The following SPIRE1 variants were observed in gnomAD, a reference collection of about 807,000 sequenced individuals.
The protein encoded by SPIRE1 is spire type actin nucleation factor 1.
Under a neutral mutation model 94.1 loss-of-function variants are expected in SPIRE1, and 40 were observed. That is an observed-to-expected ratio of 0.43 (90% confidence interval 0.33 to 0.55). The LOEUF is 0.55. Ranked by LOEUF, SPIRE1 falls within the 20% of genes least tolerant of loss-of-function variation. SPIRE1 has a pLI of 0.06. For missense variants in SPIRE1, 838 were observed against 975.2 expected (o/e 0.86, Z 1.87); for synonymous variants, 376 against 371.7 (o/e 1.01, Z -0.13).
At chr18:12,461,560 T>TGGTATGTAC (rs2031849632) in intron 12 of SPIRE1, among the ~76,000 whole-genome samples, 1 of 141,950 alleles carries the variant, frequency 7.0e-6, no homozygotes, top group African/African-American at 2.9e-5. Flanking sequence ...CATACATGCG[T>TGGTATGTAC]GTATATGTAT....
intron 2 of SPIRE1, among the ~76,000 whole-genome samples, chr18:12,572,348 C>T (rs1285952114): frequency 1.3e-5 from 2 of 152,096 alleles, no homozygotes; most frequent in East Asian, 3.9e-4. Flanking sequence ...ACTATGTTGC[C>T]CCAACTGTCC....
intron 2 of SPIRE1, among the ~76,000 whole-genome samples, chr18:12,548,866 C>T (rs556865715): frequency 4.1e-4 from 63 of 152,260 alleles, no homozygotes; most frequent in African/African-American, 1.4e-3. Context: ...GGGCCTGCCT[C>T]GGCCTCTCAA....
intron 2 of SPIRE1, among the ~76,000 whole-genome samples, chr18:12,570,481 A>G (rs1299939553): frequency 1.3e-5 from 2 of 152,180 alleles, no homozygotes; most frequent in Admixed American, 6.5e-5. Context: ...AAATTCAAAA[A>G]CCAAAACCAG....
chr18:12,588,375 C>T (rs1308664324), intron 2 of SPIRE1: 2 of 152,320 alleles, frequency 1.3e-5, no homozygotes, highest in Non-Finnish European at 2.9e-5. Flanking sequence ...GTACTACTTA[C>T]AGTTAATAGT....
intron 12 of SPIRE1, among the ~76,000 whole-genome samples, chr18:12,459,073 C>T (rs1283489343): frequency 3.9e-5 from 6 of 152,066 alleles, no homozygotes; most frequent in East Asian, 3.9e-4. Flanking sequence ...TCAATATGGT[C>T]GTAGAGCTTT....
intron 1 of SPIRE1, among the ~76,000 whole-genome samples, chr18:12,655,930 G>A (rs1397783811): frequency 6.6e-6 from 1 of 151,848 alleles, no homozygotes; most frequent in African/African-American, 2.4e-5. Context: ...ACGGCGTCTC[G>A]CTCTGTCACC....
chr18:12,561,954 T>G (rs1334043653), intron 2 of SPIRE1, among the ~76,000 whole-genome samples: 1 of 152,212 alleles, frequency 6.6e-6, no homozygotes, highest in Non-Finnish European at 1.5e-5. Context: ...CAGTAACAAG[T>G]AAGGGCTGTA....
intron 2 of SPIRE1, among the ~76,000 whole-genome samples, chr18:12,552,722 C>T (rs1001170033): frequency 6.6e-5 from 10 of 152,082 alleles, no homozygotes; most frequent in Non-Finnish European, 1.5e-4. Flanking sequence ...CCTGCTTGCT[C>T]AATCAATCAC....
At chr18:12,660,717 T>C (rs1791872829), upstream of SPIRE1, among the ~76,000 whole-genome samples, 2 of 152,086 alleles carry the variant, frequency 1.3e-5, no homozygotes, top group Non-Finnish European at 2.9e-5. Context: ...GAGACATTAC[T>C]GCACTGTATC....
intron 2 of SPIRE1, among the ~76,000 whole-genome samples, chr18:12,558,077 T>C (rs2144368814): frequency 6.6e-6 from 1 of 152,310 alleles, no homozygotes; most frequent in Non-Finnish European, 1.5e-5. Context: ...AACAAATGTG[T>C]CTGGAATTGG....
intron 4 of SPIRE1, among the ~76,000 whole-genome samples, chr18:12,531,691 A>G (rs907436887): frequency 6.6e-6 from 1 of 152,228 alleles, no homozygotes; most frequent in Non-Finnish European, 1.5e-5. Context: ...CTGTATGAAT[A>G]TGACAGTAAA....
At chr18:12,569,061 C>G (rs2035887243) in intron 2 of SPIRE1, among the ~76,000 whole-genome samples, 1 of 152,168 alleles carries the variant, frequency 6.6e-6, no homozygotes, top group Non-Finnish European at 1.5e-5. Flanking sequence ...CATAACATGG[C>G]CGGGTGCGGT....
intron 2 of SPIRE1, among the ~76,000 whole-genome samples, chr18:12,585,635 T>C (rs572070857): frequency 6.6e-6 from 1 of 152,244 alleles, no homozygotes; most frequent in East Asian, 1.9e-4. Flanking sequence ...CTGTTAGCTT[T>C]AAAAAAATGT....
At chr18:12,524,393 A>G (rs1263569561) in intron 4 of SPIRE1, among the ~76,000 whole-genome samples, 1 of 152,222 alleles carries the variant, frequency 6.6e-6, no homozygotes, top group African/African-American at 2.4e-5. Context: ...CCAAAATCCC[A>G]TGTAAGTGAG....
At chr18:12,638,764 G>A (rs866776339) in intron 1 of SPIRE1, among the ~76,000 whole-genome samples, 6 of 152,232 alleles carry the variant, frequency 3.9e-5, no homozygotes, top group Middle Eastern at 3.4e-3. Context: ...CTGTGATAGC[G>A]AGTTATCATG....
At chr18:12,459,524 C>G (rs1465407640) in intron 12 of SPIRE1, among the ~76,000 whole-genome samples, 1 of 152,224 alleles carries the variant, frequency 6.6e-6, no homozygotes, top group East Asian at 1.9e-4. Flanking sequence ...GAGACAAACA[C>G]CCACAGGTCC....
intron 2 of SPIRE1, among the ~76,000 whole-genome samples, chr18:12,607,931 C>T (rs1479007077): frequency 2.0e-5 from 3 of 151,946 alleles, no homozygotes; most frequent in African/African-American, 7.3e-5. Context: ...CTGAGGCGGG[C>T]AGATCACAAG....
At chr18:12,621,156 T>C (rs972945225) in intron 2 of SPIRE1, among the ~76,000 whole-genome samples, 4 of 152,138 alleles carry the variant, frequency 2.6e-5, no homozygotes, top group Non-Finnish European at 4.4e-5. Context: ...ACCAGGAAGA[T>C]GTAAAGCAAA....
At chr18:12,462,367 C>G (rs2031900148) in intron 12 of SPIRE1, among the ~76,000 whole-genome samples, 1 of 152,154 alleles carries the variant, frequency 6.6e-6, no homozygotes, top group Admixed American at 6.5e-5. Flanking sequence ...TATTTGAAAA[C>G]ACATTAGATA....
Sources: gnomAD v4.1 joint callset for allele counts (sites outside exome capture counted in the v4.1 genomes callset) on GRCh38, gnomAD v4.1.1 for gene constraint, MANE v1.5 for transcripts, NCBI Gene and HGNC (gene_info 2026-07-23, HGNC 2026-07-21) for gene names.